FHIT: variants seen among roughly 807,000 people sequenced by gnomAD.
The protein encoded by FHIT is bis(5'-adenosyl)-triphosphatase.
FHIT carries 19 observed loss-of-function variants against 17.9 expected under a neutral mutation model. The observed-to-expected ratio is 1.06, with a 90% CI of 0.74 to 1.56. The LOEUF is 1.56. FHIT is among the 40% of genes most tolerant of loss of function. The probability of loss-of-function intolerance (pLI) is 0.00; values close to 1 mark genes in which losing one functional copy is unlikely to be tolerated. For missense variants in FHIT, 248 were observed against 189.2 expected, an observed-to-expected ratio of 1.31 and a Z score of -1.82; for synonymous variants, 81 against 69.7, an observed-to-expected ratio of 1.16 and a Z score of -0.81.
At chr3:60,620,124 T>A (rs942771031) in intron 4 of FHIT, among the ~76,000 whole-genome samples, 1 of 152,150 alleles carries the variant, frequency 6.6e-6, no homozygotes, top group African/African-American at 2.4e-5. Flanking sequence ...CTATTAGAAT[T>A]GTGAAAATTC....
chr3:60,887,613 T>C (rs1327719038), intron 3 of FHIT, among the ~76,000 whole-genome samples: 1 of 151,966 alleles, frequency 6.6e-6, no homozygotes, highest in East Asian at 1.9e-4. Context: ...GCCACTGCAC[T>C]CCAGCCTGGG....
At chr3:59,995,055 G>A (rs1336856017) in intron 7 of FHIT, among the ~76,000 whole-genome samples, 4 of 151,904 alleles carry the variant, frequency 2.6e-5, no homozygotes, top group African/African-American at 9.7e-5. Flanking sequence ...ACTTAGCTAG[G>A]GAAACTTCCC....
chr3:60,999,468 T>C (rs755976604), intron 3 of FHIT, among the ~76,000 whole-genome samples: 1 of 150,458 alleles, frequency 6.6e-6, no homozygotes, highest in Non-Finnish European at 1.5e-5. Flanking sequence ...TGAAAGCAAA[T>C]AGGATTACTA....
chr3:61,119,765 G>T (rs1171603837), intron 2 of FHIT, among the ~76,000 whole-genome samples: 1 of 152,184 alleles, frequency 6.6e-6, no homozygotes, highest in Non-Finnish European at 1.5e-5. Flanking sequence ...TATGGAGCAG[G>T]GACATCAGCC....
chr3:60,630,934 TAAA>T (rs1202134208), intron 4 of FHIT, among the ~76,000 whole-genome samples: 5 of 93,386 alleles, frequency 5.4e-5, no homozygotes, highest in Non-Finnish European at 8.5e-5. Context: ...CCCAGGTCAT[TAAA>T]AAAAAAAAAA....
At chr3:60,500,459 T>C (rs1379325915) in intron 5 of FHIT, among the ~76,000 whole-genome samples, 1 of 152,124 alleles carries the variant, frequency 6.6e-6, no homozygotes, top group Non-Finnish European at 1.5e-5. Flanking sequence ...ACTGTAAGCA[T>C]CACCTAGCAA....
chr3:60,885,602 G>A (rs1394243552), intron 3 of FHIT, among the ~76,000 whole-genome samples: 1 of 152,146 alleles, frequency 6.6e-6, no homozygotes, highest in African/African-American at 2.4e-5. Context: ...CAAGGTCTAT[G>A]AAACTCTTCA....
At chr3:60,251,387 G>A (rs749576309) in intron 5 of FHIT, among the ~76,000 whole-genome samples, 4 of 152,084 alleles carry the variant, frequency 2.6e-5, no homozygotes, top group Non-Finnish European at 4.4e-5. Context: ...GGCTTTCTAT[G>A]CAAGCACCCA....
chr3:60,355,179 C>T (rs781043686), intron 5 of FHIT, among the ~76,000 whole-genome samples: 9 of 152,172 alleles, frequency 5.9e-5, no homozygotes, highest in Admixed American at 2.0e-4. Flanking sequence ...GTAACCTCCA[C>T]TCGTCATGTA....
rs149114241 is a variant in FHIT at position 60,017,537 on chromosome 3, A to C, written c.104-3385T>G. On this transcript the variant is annotated intron_variant, in intron 5 of 9. Transcript: ENST00000492590. ...TGGGTCAGGTTGTCAGACACACTGAATCCATTGCTTGTTGGACAGTCTAAT... is the reference window on the plus strand; with the variant it reads ...TGGGTCAGGTTGTCAGACACACTGACTCCATTGCTTGTTGGACAGTCTAAT... 8.2e-4 allele frequency among the ~76,000 whole-genome samples: 125 copies of C among 152,334 alleles called. No individual in the cohort carries two copies. In the East Asian group the frequency reaches 0.017, roughly 21 times the overall value.
intron 4 of FHIT, among the ~76,000 whole-genome samples, chr3:60,781,351 T>C (rs576373671): frequency 2.0e-4 from 30 of 152,150 alleles, no homozygotes; most frequent in Admixed American, 7.2e-4. Flanking sequence ...AGAAGACTAT[T>C]TCTGCACCAG....
chr3:60,432,513 C>T (rs914748314), intron 5 of FHIT, among the ~76,000 whole-genome samples: 1 of 152,052 alleles, frequency 6.6e-6, no homozygotes, highest in South Asian at 2.1e-4. Flanking sequence ...CACTATATAG[C>T]ATTTTTATCT....
At position 60,009,851 on chromosome 3, in the gene FHIT, C is replaced by T. The variant is rs565132199; in HGVS notation, c.279+1520G>A. Among the ~76,000 whole-genome samples, 3 of 152,298 alleles carry T rather than the reference C, an allele frequency of 2.0e-5. No individual in the cohort carries two copies. In the South Asian group the frequency reaches 6.2e-4, roughly 32 times the overall value. ...ATCTACTTTCTATCTCTATTCAGAG[C>T]CTGTTGCATAGCAAATATTTTCTAT... is the stretch of plus-strand genomic sequence containing the variant. On this transcript the variant is annotated intron_variant, in intron 7 of 9. Coordinates refer to ENST00000492590, the MANE Select transcript of FHIT (RefSeq NM_002012.4).
At chr3:60,108,792 T>C (rs1348462579) in intron 5 of FHIT, among the ~76,000 whole-genome samples, 2 of 151,976 alleles carry the variant, frequency 1.3e-5, no homozygotes, top group African/African-American at 4.8e-5. Context: ...GCCTCCCCAG[T>C]AGCTGGGATC....
At chr3:60,038,997 G>T (rs1355431776) in intron 5 of FHIT, among the ~76,000 whole-genome samples, 1 of 152,098 alleles carries the variant, frequency 6.6e-6, no homozygotes, top group African/African-American at 2.4e-5. Context: ...TCAGTCAGAA[G>T]GTCTGGCTCT....
At chr3:60,852,018 C>A (rs1040746654) in intron 3 of FHIT, among the ~76,000 whole-genome samples, 1 of 152,102 alleles carries the variant, frequency 6.6e-6, no homozygotes, top group African/African-American at 2.4e-5. Flanking sequence ...CCGAGTATGG[C>A]TGTGAGGGTG....
intron 4 of FHIT, among the ~76,000 whole-genome samples, chr3:60,689,792 G>A (rs2040944852): frequency 1.3e-5 from 2 of 151,850 alleles, no homozygotes; most frequent in South Asian, 4.2e-4. Context: ...TATGATCCTG[G>A]GTTTCTTATT....
intron 4 of FHIT, among the ~76,000 whole-genome samples, chr3:60,561,904 AG>A (rs2036962871): frequency 6.6e-6 from 1 of 151,834 alleles, no homozygotes; most frequent in Admixed American, 6.6e-5. Flanking sequence ...AGAAAAAAAA[AG>A]AAAAGAGAGA....
chr3:61,073,135 T>G (rs1363647739), intron 2 of FHIT, among the ~76,000 whole-genome samples: 1 of 152,164 alleles, frequency 6.6e-6, no homozygotes, highest in African/African-American at 2.4e-5. Flanking sequence ...CAATCCCTCC[T>G]CCCTGTAGGT....
Sources: allele counts gnomAD v4.1 joint callset (sites outside exome capture counted in the v4.1 genomes callset), GRCh38; gene constraint gnomAD v4.1.1; transcripts MANE v1.5; gene names NCBI Gene and HGNC (gene_info 2026-07-23, HGNC 2026-07-21).